The following SH3RF1 variants were observed in gnomAD, a reference collection of about 807,000 sequenced individuals.
SH3RF1 encodes the protein E3 ubiquitin-protein ligase SH3RF1.
SH3RF1 carries 32 observed loss-of-function variants against 74.0 expected under a neutral mutation model. The observed-to-expected ratio is 0.43, with a 90% CI of 0.33 to 0.58. SH3RF1 has a LOEUF of 0.58. Among genes scored for constraint, SH3RF1 ranks in the 20% least tolerant of loss-of-function variants. The pLI is 0.05. For synonymous variants in SH3RF1, 396 were observed against 439.6 expected (o/e 0.90, Z 1.24); for missense variants, 954 against 1,130.9 (o/e 0.84, Z 2.24).
rs574682092 is a variant in SH3RF1, at chr4:169,180,437, C to T, written c.394-23758G>A. On this transcript the variant is annotated intron_variant, in intron 2 of 11. Transcript: ENST00000284637. ...CTGTAGCTTAACACACTGCCACAACCGGAGGAATTTTAACTACTCTAGTGA... is the reference window on the plus strand; with the variant it reads ...CTGTAGCTTAACACACTGCCACAACTGGAGGAATTTTAACTACTCTAGTGA... Among the ~76,000 whole-genome samples, 8 of 152,272 alleles carry T rather than the reference C, an allele frequency of 5.3e-5. No homozygotes were observed. In the South Asian group the frequency reaches 1.5e-3, roughly 28 times the overall value.
chr4:169,263,841 T>C (rs1435965940), intron 2 of SH3RF1, among the ~76,000 whole-genome samples: 2 of 152,232 alleles, frequency 1.3e-5, no homozygotes, highest in African/African-American at 4.8e-5. Context: ...TCCAGAACTT[T>C]CTGTGCATCT....
chr4:169,218,920 T>C (rs1730518242), intron 2 of SH3RF1, among the ~76,000 whole-genome samples: 1 of 152,202 alleles, frequency 6.6e-6, no homozygotes, highest in African/African-American at 2.4e-5. Context: ...ACCTTCAATA[T>C]ATTCAATAAA....
intron 2 of SH3RF1, among the ~76,000 whole-genome samples, chr4:169,180,082 T>C (rs113350622): frequency 1.3e-5 from 2 of 152,174 alleles, no homozygotes; most frequent in Non-Finnish European, 2.9e-5. Context: ...AGAAAAAACT[T>C]GTAGTTCCAG....
chr4:169,147,226 A>G (rs930228700), intron 4 of SH3RF1, among the ~76,000 whole-genome samples: 1 of 152,250 alleles, frequency 6.6e-6, no homozygotes, highest in Non-Finnish European at 1.5e-5. Context: ...CTGTTAGCCA[A>G]AAGTATCATT....
chr4:169,162,255 T>C (rs1483669604), intron 2 of SH3RF1, among the ~76,000 whole-genome samples: 1 of 152,252 alleles, frequency 6.6e-6, no homozygotes, highest in Non-Finnish European at 1.5e-5. Flanking sequence ...ATAATAACAG[T>C]ATTTCATGAA....
At chr4:169,251,335 C>A (rs1262104091) in intron 2 of SH3RF1, among the ~76,000 whole-genome samples, 1 of 152,222 alleles carries the variant, frequency 6.6e-6, no homozygotes, top group Non-Finnish European at 1.5e-5. Flanking sequence ...CTGTAACACA[C>A]ATTCCTCTCA....
intron 2 of SH3RF1, among the ~76,000 whole-genome samples, chr4:169,201,590 TAAC>T (rs1331990075): frequency 6.6e-6 from 1 of 152,214 alleles, no homozygotes; most frequent in African/African-American, 2.4e-5. Flanking sequence ...GCCACTTTCA[TAAC>T]AACAACTTTG....
chr4:169,115,107 A>G (rs1412181667), intron 10 of SH3RF1, among the ~76,000 whole-genome samples: 1 of 152,128 alleles, frequency 6.6e-6, no homozygotes, highest in Non-Finnish European at 1.5e-5. Context: ...TATTCTTTCC[A>G]ATATAACTTT....
intron 2 of SH3RF1, chr4:169,217,180 G>C (rs1335717250): frequency 6.8e-6 from 1 of 146,786 alleles, no homozygotes; most frequent in East Asian, 2.0e-4. Flanking sequence ...AAAAAAAAAA[G>C]TGAGTTTGAA....
chr4:169,140,585 A>G (rs1188240305), intron 4 of SH3RF1, among the ~76,000 whole-genome samples: 1 of 152,240 alleles, frequency 6.6e-6, no homozygotes, highest in Non-Finnish European at 1.5e-5. Flanking sequence ...GTATAAATAA[A>G]TATGAGATGA....
intron 2 of SH3RF1, among the ~76,000 whole-genome samples, chr4:169,160,217 T>TTCA (rs1313412481): frequency 6.6e-6 from 1 of 152,232 alleles, no homozygotes; most frequent in African/African-American, 2.4e-5. Flanking sequence ...CATTCTGAAC[T>TTCA]GCTCCTTGAA....
intron 11 of SH3RF1, among the ~76,000 whole-genome samples, chr4:169,104,369 G>A (rs1329563691): frequency 6.6e-6 from 1 of 152,152 alleles, no homozygotes; most frequent in Admixed American, 6.5e-5. Flanking sequence ...GGGACAGAAG[G>A]TGCTATCCCT....
intron 2 of SH3RF1, among the ~76,000 whole-genome samples, chr4:169,164,561 ACATTTTTATTAC>A (rs987928362): frequency 6.6e-6 from 1 of 152,138 alleles, no homozygotes; most frequent in Non-Finnish European, 1.5e-5. Context: ...ACTGAAGGAG[ACATTTTTATTAC>A]CATTTCCTAG....
intron 2 of SH3RF1, among the ~76,000 whole-genome samples, chr4:169,258,587 G>A (rs1004227343): frequency 6.6e-6 from 1 of 152,126 alleles, no homozygotes; most frequent in African/African-American, 2.4e-5. Context: ...AAAAGCATAT[G>A]AAATGCTGAA....
At chr4:169,103,022 A>G (rs1053285690) in intron 11 of SH3RF1, among the ~76,000 whole-genome samples, 1 of 146,172 alleles carries the variant, frequency 6.8e-6, no homozygotes, top group Non-Finnish European at 1.5e-5. Context: ...CCCGGGTTCA[A>G]GCATTTCTCT....
At chr4:169,210,635 CT>C (rs1313978250) in intron 2 of SH3RF1, among the ~76,000 whole-genome samples, 2 of 152,138 alleles carry the variant, frequency 1.3e-5, no homozygotes, top group African/African-American at 4.8e-5. Context: ...ATTTTAGGTT[CT>C]GCCTAAAAGT....
chr4:169,166,549 A>T, intron 2 of SH3RF1: 1 of 199,208 alleles, frequency 5.0e-6, no homozygotes, highest in South Asian at 1.1e-4. Context: ...CTGTTACAAA[A>T]CCAGTTGGTG....
chr4:169,251,093 C>A (rs545215863), intron 2 of SH3RF1, among the ~76,000 whole-genome samples: 1 of 152,264 alleles, frequency 6.6e-6, no homozygotes, highest in South Asian at 2.1e-4. Flanking sequence ...CATTATATAA[C>A]ATAGTTTTGA....
intron 4 of SH3RF1, among the ~76,000 whole-genome samples, chr4:169,140,313 G>T (rs1356857170): frequency 2.0e-5 from 3 of 152,148 alleles, no homozygotes; most frequent in Non-Finnish European, 4.4e-5. Flanking sequence ...TCAGTAGTGT[G>T]AGCTTTCTGT....
Sources: allele counts gnomAD v4.1 joint callset (sites outside exome capture counted in the v4.1 genomes callset), GRCh38; gene constraint gnomAD v4.1.1; transcripts MANE v1.5; gene names NCBI Gene and HGNC (gene_info 2026-07-23, HGNC 2026-07-21).